Variants in DNAJC16 observed in about 807,000 individuals in gnomAD.
DNAJC16 encodes DnaJ heat shock protein family (Hsp40) member C16.
Under a neutral mutation model 92.7 loss-of-function variants are expected in DNAJC16, and 76 were observed. The observed-to-expected ratio is 0.82, with a 90% CI of 0.68 to 0.99. The LOEUF (loss-of-function observed/expected upper bound fraction) is 0.99. Ranked by LOEUF, DNAJC16 falls within the 50% of genes least tolerant of loss-of-function variation. DNAJC16 has a pLI of 0.00. For missense variants in DNAJC16, 869 were observed against 942.4 expected (o/e 0.92, Z 1.02); for synonymous variants, 328 against 358.7 (o/e 0.91, Z 0.97).
intron 4 of DNAJC16, among the ~76,000 whole-genome samples, chr1:15,541,173 C>T (rs1261052384): frequency 6.6e-6 from 1 of 152,214 alleles, no homozygotes; most frequent in Non-Finnish European, 1.5e-5. Context: ...TAATCCCTCC[C>T]TTGGGCCTTT....
intron 2 of DNAJC16, among the ~76,000 whole-genome samples, chr1:15,529,744 A>G (rs1184242749): frequency 6.6e-6 from 1 of 152,142 alleles, no homozygotes; most frequent in Non-Finnish European, 1.5e-5. Context: ...AAAAAAATTC[A>G]GAAACCAAGG....
Position 15,566,225 on chromosome 1 carries a change from C to T in DNAJC16, c.1778+45C>T, listed in dbSNP as rs35637019. On this transcript the variant is annotated intron_variant, in intron 13 of 14. Transcript: ENST00000375847. ...AGACTCACCTCCCCGGCACCTGCCCCCCAGATCCTGTCATCTGATAACGCA... is the reference window on the plus strand; with the variant it reads ...AGACTCACCTCCCCGGCACCTGCCCTCCAGATCCTGTCATCTGATAACGCA... 15 of 1,486,506 alleles carry T rather than the reference C, an allele frequency of 1.0e-5. No individual in the cohort carries two copies. In the East Asian group the frequency reaches 3.2e-4, roughly 32 times the overall value. The allele number at this position is 1,486,506 out of a possible 1,614,324, so 92.1% of individuals were successfully genotyped here.
chr1:15,527,046 C>G (rs935729657), intron 1 of DNAJC16, 88 bp downstream of exon 1: 2 of 152,246 alleles, frequency 1.3e-5, no homozygotes, highest in Non-Finnish European at 2.9e-5. Flanking sequence ...CTTCTCGTTT[C>G]CAGTCACTGC....
At position 15,570,002 on chromosome 1, in the gene DNAJC16, A is replaced by G. The variant is rs1033986350; in HGVS notation, c.*1825A>G. On this transcript the variant is annotated 3_prime_UTR_variant, in exon 15 of 15. Transcript: ENST00000375847. ...TTTAAACTAAGCCACTTGGATCCTG[A>G]ATAATTTAAATCTTGAGCTACATTG... 1 of 152,642 alleles carries G rather than the reference A, an allele frequency of 6.6e-6. No homozygotes were observed. The highest frequency in any genetic ancestry group is 2.4e-5 in the African/African-American group (1 of 41,454). 9.5% of individuals were successfully genotyped at this position (152,642 alleles called of 1,614,324 possible).
chr1:15,562,189 C>G lies in DNAJC16; in HGVS notation c.1202C>G (p.Pro401Arg), dbSNP rs765385648. The G allele has an allele frequency of 2.2e-5, 36 of 1,613,920 alleles. No homozygotes were observed. Among genetic ancestry groups the G allele is most frequent in the Non-Finnish European group, 3.0e-5 (35 of 1,179,872 alleles). ...LTAETTKLSK[P>R]FEAFLSFALA... Reference sequence around the variant, plus strand: ...GCTGAGACTACCAAGTTGAGCAAACCCTTTGAGGCTTTCCTGTCCTTTGCC... The same window carrying G: ...GCTGAGACTACCAAGTTGAGCAAACGCTTTGAGGCTTTCCTGTCCTTTGCC... Residue 401 changes from proline to arginine, a missense_variant, in exon 9 of 15, where the codon CCC (proline) becomes CGC (arginine). Pro to Arg is a moderately radical substitution (Grantham distance 103). Transcript: ENST00000375847.
At chr1:15,533,739 G>A (rs183558046) in intron 2 of DNAJC16, among the ~76,000 whole-genome samples, 4 of 152,342 alleles carry the variant, frequency 2.6e-5, no homozygotes, top group African/African-American at 9.6e-5. Flanking sequence ...CACAAGTGCA[G>A]TTTGAAACCT....
At chr1:15,535,785 A>G (rs150006353) in intron 3 of DNAJC16, among the ~76,000 whole-genome samples, 221 of 151,850 alleles carry the variant, frequency 1.5e-3, no homozygotes, top group Non-Finnish European at 2.2e-3. Context: ...TTCTTAAGAG[A>G]CAGTCTGTCT....
intron 4 of DNAJC16, among the ~76,000 whole-genome samples, chr1:15,539,370 C>T (rs1710876949): frequency 6.6e-6 from 1 of 151,936 alleles, no homozygotes; most frequent in African/African-American, 2.4e-5. Flanking sequence ...CTCAGCCTCC[C>T]TAGTAGCTGG....
chr1:15,555,302 G>A (rs1472434009), intron 7 of DNAJC16, among the ~76,000 whole-genome samples: 1 of 151,376 alleles, frequency 6.6e-6, no homozygotes, highest in Non-Finnish European at 1.5e-5. Flanking sequence ...CAGGAGAACT[G>A]CTTGAACTCA....
At position 15,568,655 on chromosome 1, in the gene DNAJC16, C is replaced by T; in HGVS notation, c.*478C>T. 1 of 399,344 alleles carries T rather than the reference C, an allele frequency of 2.5e-6. No homozygotes were observed. The highest frequency in any genetic ancestry group is 3.6e-5 in the East Asian group (1 of 28,088). 24.7% of individuals were successfully genotyped at this position (399,344 alleles called of 1,614,324 possible). ...AACTCTGAACAACCCACGGCAGCTT[C>T]TAGCCCCGCATCTGGAAAAAGGCCC... On this transcript the variant is annotated 3_prime_UTR_variant, in exon 15 of 15. Coordinates refer to ENST00000375847, the MANE Select transcript of DNAJC16 (RefSeq NM_015291.4).
At chr1:15,537,040 AG>A (rs773744296) in intron 4 of DNAJC16, among the ~76,000 whole-genome samples, 1 of 152,036 alleles carries the variant, frequency 6.6e-6, no homozygotes, top group Non-Finnish European at 1.5e-5. Context: ...TAGTAGAGAC[AG>A]GGTTTCACCA....
chr1:15,539,682 T>G (rs986126159), intron 4 of DNAJC16, among the ~76,000 whole-genome samples: 1 of 151,906 alleles, frequency 6.6e-6, no homozygotes, highest in Admixed American at 6.6e-5. Context: ...GTAGCTGAGA[T>G]TAGAGGTGCC....
chr1:15,552,751 CTT>C (rs1436166828), intron 7 of DNAJC16, among the ~76,000 whole-genome samples: 1 of 146,942 alleles, frequency 6.8e-6, no homozygotes, highest in Non-Finnish European at 1.5e-5. Context: ...TGTTATGTGT[CTT>C]TTTATTATTA....
chr1:15,531,385 G>T (rs1413122028), intron 2 of DNAJC16, among the ~76,000 whole-genome samples: 2 of 152,218 alleles, frequency 1.3e-5, no homozygotes, highest in Non-Finnish European at 2.9e-5. Flanking sequence ...GGATGCCAAA[G>T]AAGCAATCTC....
rs781761568 is a variant in DNAJC16, at chr1:15,568,110, G to A, written c.2282G>A (p.Trp761Ter). Residue 761 changes from tryptophan (W) to a stop codon, truncating the protein, a stop_gained, in exon 15 of 15, where the codon TGG becomes TAG. Transcript: ENST00000375847. LOFTEE classifies it high-confidence loss of function. ...IKGKLSKLSLWMERLLEGSLQ... is the reference protein window; with the variant it reads ...IKGKLSKLSL ...GGAAAGTTGAGCAAGCTCTCTTTAT[G>A]GATGGAACGCCTGCTGGAGGGCTCC... 4 of 1,614,056 alleles carry A rather than the reference G, an allele frequency of 2.5e-6. No homozygotes were observed. Among genetic ancestry groups the A allele is most frequent in the Non-Finnish European group, 3.4e-6 (4 of 1,180,048 alleles).
rs1028142734 is a variant in DNAJC16 at position 15,570,957 on chromosome 1, A to G, written c.*2780A>G. 6.6e-6 allele frequency: 1 copy of G among 152,044 alleles called. No individual in the cohort carries two copies. The highest frequency in any genetic ancestry group is 6.6e-5 in the Admixed American group (1 of 15,258). The allele number at this position is 152,044 out of a possible 1,614,324, so 9.4% of individuals were successfully genotyped here. ...TTGATACAGACTATGCATTGCGTTT[A>G]GCAGATGGGGTAAAACTGGCCTAAA... On this transcript the variant is annotated 3_prime_UTR_variant, in exon 15 of 15. Transcript: ENST00000375847.
At chr1:15,554,168 A>G (rs1289458314) in intron 7 of DNAJC16, among the ~76,000 whole-genome samples, 2 of 152,086 alleles carry the variant, frequency 1.3e-5, no homozygotes, top group Non-Finnish European at 1.5e-5. Context: ...GTGCCACTGC[A>G]CTACAACCTG....
Position 15,566,143 on chromosome 1 carries a change from G to T in DNAJC16, c.1741G>T (p.Gly581Trp). ...PEKEEAQEKT[G>W]KTEPSFTKEN... Reference sequence around the variant, plus strand: ...AAAAGAGGAAGCCCAAGAGAAGACTGGGAAAACTGAGCCAAGCTTCACCAA... The same window carrying T: ...AAAAGAGGAAGCCCAAGAGAAGACTTGGAAAACTGAGCCAAGCTTCACCAA... The change falls in exon 13 of 15, where the codon GGG becomes TGG. Residue 581 changes from glycine to tryptophan, a missense_variant. Physicochemically the swap from Gly to Trp is radical, Grantham distance 184. Coordinates refer to ENST00000375847, the MANE Select transcript of DNAJC16 (RefSeq NM_015291.4). 1 of 1,613,956 alleles carries T rather than the reference G, an allele frequency of 6.2e-7. No individual in the cohort carries two copies. Among genetic ancestry groups the T allele is most frequent in the East Asian group, 2.2e-5 (1 of 44,860 alleles).
At position 15,536,472 on chromosome 1, in the gene DNAJC16, T is replaced by C; in HGVS notation, c.235-3T>C. On this transcript the variant is annotated splice_region_variant and splice_polypyrimidine_tract_variant and intron_variant, in intron 3 of 14. Transcript: ENST00000375847. The stretch of plus-strand genomic sequence containing the variant: ...TTGTTTAGATTTTTTTCTTCCTTTA[T>C]AGATTCTTTCAAATGAAGAAAAGAG... The C allele has an allele frequency of 6.4e-7, 1 of 1,569,362 alleles. No homozygotes were observed. The highest frequency in any genetic ancestry group is 8.6e-7 in the Non-Finnish European group (1 of 1,161,924).
Sources: allele counts gnomAD v4.1 joint callset (sites outside exome capture counted in the v4.1 genomes callset), GRCh38; gene constraint gnomAD v4.1.1; transcripts MANE v1.5; gene names NCBI Gene and HGNC (gene_info 2026-07-23, HGNC 2026-07-21).